The following CNTN4 variants were observed in gnomAD, a reference collection of about 807,000 sequenced individuals.
The protein encoded by CNTN4 is contactin-4.
Under a neutral mutation model 122.5 loss-of-function variants are expected in CNTN4, and 77 were observed. The observed-to-expected ratio is 0.63, with a 90% confidence interval of 0.52 to 0.76. CNTN4 has a LOEUF of 0.76. CNTN4 is among the 30% of genes least tolerant of loss of function. CNTN4 has a pLI of 0.00. For missense variants in CNTN4, 1,256 were observed against 1,259.1 expected (o/e 1.00, Z 0.04); for synonymous variants, 512 against 447.0 (o/e 1.15, Z -1.83).
intron 3 of CNTN4, among the ~76,000 whole-genome samples, chr3:2,443,379 G>C (rs555496330): frequency 6.6e-6 from 1 of 152,220 alleles, no homozygotes; most frequent in Admixed American, 6.5e-5. Context: ...CTAGTTTCTT[G>C]CAGGATACCT....
intron 13 of CNTN4, among the ~76,000 whole-genome samples, chr3:2,972,753 A>G (rs1693051361): frequency 6.6e-6 from 1 of 152,120 alleles, no homozygotes. Context: ...ATCTTCAGAT[A>G]TTATCCTCTT....
intron 3 of CNTN4, among the ~76,000 whole-genome samples, chr3:2,494,902 A>G (rs377660697): frequency 2.0e-5 from 3 of 152,270 alleles, no homozygotes; most frequent in African/African-American, 7.2e-5. Context: ...TCCATTAATA[A>G]TAGTCCTTGT....
At chr3:2,538,978 T>A (rs752210486) in intron 3 of CNTN4, among the ~76,000 whole-genome samples, 1 of 152,016 alleles carries the variant, frequency 6.6e-6, no homozygotes, top group Non-Finnish European at 1.5e-5. Flanking sequence ...ATATATATGC[T>A]CAAAATATTA....
intron 4 of CNTN4, among the ~76,000 whole-genome samples, chr3:2,666,108 C>T (rs1015091951): frequency 3.9e-5 from 6 of 152,202 alleles, no homozygotes; most frequent in Non-Finnish European, 7.3e-5. Flanking sequence ...CACACCCAAG[C>T]TAGCAATAGA....
intron 4 of CNTN4, among the ~76,000 whole-genome samples, chr3:2,685,402 G>A (rs994505146): frequency 6.6e-6 from 1 of 152,066 alleles, no homozygotes; most frequent in African/African-American, 2.4e-5. Flanking sequence ...AAACCAAAGG[G>A]AGCAGTATAA....
At chr3:2,475,188 G>C (rs892976233) in intron 3 of CNTN4, among the ~76,000 whole-genome samples, 1 of 152,162 alleles carries the variant, frequency 6.6e-6, no homozygotes, top group African/African-American at 2.4e-5. Flanking sequence ...TTTTAAAGTT[G>C]TATCTGGGGT....
At chr3:2,333,771 A>G (rs1283929283) in intron 2 of CNTN4, among the ~76,000 whole-genome samples, 1 of 152,252 alleles carries the variant, frequency 6.6e-6, no homozygotes, top group East Asian at 1.9e-4. Context: ...GCTTAGTATT[A>G]GTTTAATAAC....
intron 6 of CNTN4, among the ~76,000 whole-genome samples, chr3:2,746,719 C>T (rs1245793809): frequency 6.6e-6 from 1 of 152,100 alleles, no homozygotes; most frequent in Non-Finnish European, 1.5e-5. Context: ...CTATTAATGC[C>T]ATTTGGTGGC....
At chr3:2,117,176 C>T (rs2033414648) in intron 2 of CNTN4, among the ~76,000 whole-genome samples, 1 of 152,158 alleles carries the variant, frequency 6.6e-6, no homozygotes, top group African/African-American at 2.4e-5. Context: ...CTAAAACAGA[C>T]CAGCTATAAA....
chr3:2,981,261 AG>A (rs1431077195), intron 13 of CNTN4, among the ~76,000 whole-genome samples: 1 of 151,878 alleles, frequency 6.6e-6, no homozygotes, highest in African/African-American at 2.4e-5. Context: ...TGGCTAACAC[AG>A]TGAAACCCCG....
chr3:2,580,364 A>T (rs780746619), intron 4 of CNTN4, among the ~76,000 whole-genome samples: 16 of 152,128 alleles, frequency 1.1e-4, no homozygotes, highest in Non-Finnish European at 2.2e-4. Context: ...TACTTCCAGT[A>T]GTTTATCAAG....
intron 13 of CNTN4, among the ~76,000 whole-genome samples, chr3:2,941,936 C>G (rs79308200): frequency 1.3e-5 from 2 of 152,184 alleles, no homozygotes; most frequent in Non-Finnish European, 2.9e-5. Flanking sequence ...GTATACCGCA[C>G]TTCTCACTAT....
At chr3:2,895,038 C>G (rs1338914467) in intron 10 of CNTN4, among the ~76,000 whole-genome samples, 2 of 152,036 alleles carry the variant, frequency 1.3e-5, no homozygotes, top group African/African-American at 4.8e-5. Flanking sequence ...CTTGCTCTGT[C>G]CCCCATGCTG....
chr3:2,816,314 A>C (rs1292712852), intron 6 of CNTN4, among the ~76,000 whole-genome samples: 1 of 150,412 alleles, frequency 6.6e-6, no homozygotes, highest in East Asian at 1.9e-4. Flanking sequence ...AGATCGTGGC[A>C]CTGCACTCCA....
intron 2 of CNTN4, among the ~76,000 whole-genome samples, chr3:2,263,833 T>TCCAAAGGAATAAATTACATTCCTTTGGA (rs1463728676): frequency 1.1e-4 from 14 of 127,810 alleles, no homozygotes; most frequent in Non-Finnish European, 1.3e-4. Context: ...TCTATCTCCC[T>TCCAAAGGAATAAATTACATTCCTTTGGA]GAAATCTACT....
At chr3:2,958,778 G>C (rs1247923195) in intron 13 of CNTN4, among the ~76,000 whole-genome samples, 1 of 152,166 alleles carries the variant, frequency 6.6e-6, no homozygotes, top group Non-Finnish European at 1.5e-5. Context: ...CAGTACATTT[G>C]TAGAAAGGTT....
At chr3:2,671,758 A>G (rs1448126045) in intron 4 of CNTN4, among the ~76,000 whole-genome samples, 2 of 152,030 alleles carry the variant, frequency 1.3e-5, no homozygotes, top group Admixed American at 6.5e-5. Context: ...GTGACATACG[A>G]CATACAGATG....
At chr3:2,818,582 A>C (rs546982815) in intron 6 of CNTN4, among the ~76,000 whole-genome samples, 6 of 152,176 alleles carry the variant, frequency 3.9e-5, no homozygotes, top group African/African-American at 1.4e-4. Context: ...CACTTAACAC[A>C]CTCCTTATTG....
rs181613566 is a variant in CNTN4, at chr3:2,252,342, G to A, written c.-144-86836G>A. 2.6e-5 allele frequency among the ~76,000 whole-genome samples: 4 copies of A among 151,570 alleles called. No homozygotes were observed. In the East Asian group the frequency reaches 7.8e-4, roughly 30 times the overall value. On this transcript the variant is annotated intron_variant, in intron 2 of 24. Coordinates refer to ENST00000418658, the MANE Select transcript of CNTN4 (RefSeq NM_175607.3). ...TAAATCACCTTTATTACATTTTTAT[G>A]TATCTCTTTTTGGGATCTTATTGCT...
Sources: gnomAD v4.1 joint callset for allele counts (sites outside exome capture counted in the v4.1 genomes callset) on GRCh38, gnomAD v4.1.1 for gene constraint, MANE v1.5 for transcripts, NCBI Gene and HGNC (gene_info 2026-07-23, HGNC 2026-07-21) for gene names.